The following PKHD1 variants were observed in gnomAD, a reference collection of about 807,000 sequenced individuals.
PKHD1 encodes the protein PKHD1 ciliary IPT domain containing fibrocystin/polyductin.
A neutral mutation model predicts 412.0 loss-of-function variants in PKHD1; 291 were observed. That is an observed-to-expected ratio of 0.71 (90% CI 0.64 to 0.78). The LOEUF (loss-of-function observed/expected upper bound fraction) is 0.78, where lower values mean the gene tolerates loss of function less well. Ranked by LOEUF, PKHD1 falls within the 30% of genes least tolerant of loss-of-function variation. The pLI, the probability that PKHD1 is intolerant of heterozygous loss-of-function variation, is 0.00. For synonymous variants in PKHD1, 1,777 were observed against 1,821.5 expected (o/e 0.98, Z 0.62); for missense variants, 4,825 against 4,950.7 (o/e 0.97, Z 0.76).
At chr6:51,624,363 A>C (rs574871991) in intron 66 of PKHD1, among the ~76,000 whole-genome samples, 1 of 152,336 alleles carries the variant, frequency 6.6e-6, no homozygotes, top group East Asian at 1.9e-4. Context: ...ATTTATCAAT[A>C]ATTTCCAAAC....
intron 35 of PKHD1, among the ~76,000 whole-genome samples, chr6:52,007,010 A>G (rs1799167002): frequency 1.3e-5 from 2 of 152,180 alleles, no homozygotes; most frequent in South Asian, 4.1e-4. Flanking sequence ...GTTGCTACAA[A>G]TGCCATTAAT....
chr6:52,060,030 A>G lies in PKHD1; in HGVS notation c.1131T>C (p.Ser377=), dbSNP rs754777157. 1.6e-5 allele frequency: 26 copies of G among 1,599,666 alleles called. No homozygotes were observed. Among genetic ancestry groups the G allele is most frequent in the Non-Finnish European group, 2.2e-5 (26 of 1,166,800 alleles). The part of the protein sequence containing the change: ...QEGQPFRARL[S]GFFVAPETNN... ...TTGTCTCTGGAGCCACAAAGAACCC[A>G]CTGAGCCGTGCTCTGTAAAGTAGAA... The change falls in exon 15 of 67, where the codon AGT becomes AGC. Residue 377 remains serine, a synonymous_variant. Transcript: ENST00000371117.
intron 63 of PKHD1, among the ~76,000 whole-genome samples, chr6:51,644,802 C>T (rs1381456061): frequency 6.6e-6 from 1 of 152,168 alleles, no homozygotes; most frequent in Non-Finnish European, 1.5e-5. Context: ...GCCTCAGCCT[C>T]CTGAGTAGCT....
intron 60 of PKHD1, among the ~76,000 whole-genome samples, chr6:51,727,793 C>T (rs1423278894): frequency 6.6e-6 from 1 of 152,184 alleles, no homozygotes; most frequent in African/African-American, 2.4e-5. Flanking sequence ...CACTTCAGTG[C>T]AACAGGTGTG....
rs998196660 is a variant in PKHD1, at chr6:51,768,105, T to C, written c.8642+4597A>G. On this transcript the variant is annotated intron_variant, in intron 55 of 66. Coordinates refer to ENST00000371117, the MANE Select transcript of PKHD1 (RefSeq NM_138694.4). ...TTTTTTCATGTGTTTTTTGGCTGCA[T>C]AAATGTCTTCTTTTGAGAAGTGTCA... Among the ~76,000 whole-genome samples, 18 of 152,288 alleles carry C rather than the reference T, an allele frequency of 1.2e-4. 1 individual carries two copies. Among genetic ancestry groups the C allele is most frequent in the African/African-American group, 3.8e-4 (16 of 41,580 alleles).
At position 51,753,334 on chromosome 6, in the gene PKHD1, C is replaced by G. The variant is rs1432650672; in HGVS notation, c.8817G>C (p.Glu2939Asp). ...CAGCCAAACGAATGTGTCGGCCATC[C>G]TCCGTGACATGTACACTTCCTGGGG... ...HRHIGSVHVT[E>D]DGRHIRLAAE... Residue 2939 changes from glutamate to aspartate, a missense_variant, in exon 57 of 67, where the codon GAG becomes GAC. Coordinates refer to ENST00000371117, the MANE Select transcript of PKHD1 (RefSeq NM_138694.4). 1 of 1,613,808 alleles carries G rather than the reference C, an allele frequency of 6.2e-7. No individual in the cohort carries two copies. Among genetic ancestry groups the G allele is most frequent in the South Asian group, 1.1e-5 (1 of 91,084 alleles).
At chr6:51,668,593 G>A (rs1774287964) in intron 60 of PKHD1, among the ~76,000 whole-genome samples, 1 of 152,156 alleles carries the variant, frequency 6.6e-6, no homozygotes, top group Admixed American at 6.5e-5. Context: ...TTGAATAGGA[G>A]TGGTGAGAGA....
intron 25 of PKHD1, 94 bp downstream of exon 25, chr6:52,044,872 A>C: frequency 4.9e-6 from 7 of 1,420,950 alleles, no homozygotes; most frequent in South Asian, 1.2e-5. Context: ...ATGACCCTTA[A>C]GAGCTAAATC....
chr6:52,044,816 T>C (rs1024812984), intron 25 of PKHD1, 150 bp downstream of exon 25: 13 of 797,810 alleles, frequency 1.6e-5, no homozygotes, highest in Non-Finnish European at 2.6e-5. Context: ...CCTGTGGAGG[T>C]AGAAAAAGGA....
chr6:51,751,729 C>T (rs1786145885), intron 57 of PKHD1, among the ~76,000 whole-genome samples: 1 of 152,080 alleles, frequency 6.6e-6, no homozygotes, highest in African/African-American at 2.4e-5. Context: ...GATGAAAGAC[C>T]TATTTTTCAC....
At chr6:51,734,249 T>G (rs572500739) in intron 60 of PKHD1, among the ~76,000 whole-genome samples, 5 of 152,212 alleles carry the variant, frequency 3.3e-5, no homozygotes, top group African/African-American at 9.6e-5. Context: ...AAAATAGGAA[T>G]AGTCAGAGTT....
At chr6:51,667,751 G>T (rs1268504689) in intron 60 of PKHD1, among the ~76,000 whole-genome samples, 3 of 149,128 alleles carry the variant, frequency 2.0e-5, no homozygotes, top group Non-Finnish European at 4.5e-5. Context: ...TCCAGTTTCA[G>T]CTTTCTACAT....
At chr6:51,809,525 T>C (rs1764357425) in intron 52 of PKHD1, among the ~76,000 whole-genome samples, 3 of 152,078 alleles carry the variant, frequency 2.0e-5, no homozygotes, top group Admixed American at 1.3e-4. Flanking sequence ...CCTAAAAATA[T>C]TAGAATCAGC....
intron 57 of PKHD1, 115 bp downstream of exon 57, chr6:51,753,086 T>C (rs1350025162): frequency 2.2e-6 from 2 of 894,256 alleles, no homozygotes; most frequent in South Asian, 1.6e-5. Flanking sequence ...ACAAAGGAAC[T>C]ATCTCATTTG....
chr6:51,711,780 G>A (rs1036223814), intron 60 of PKHD1, among the ~76,000 whole-genome samples: 2 of 152,160 alleles, frequency 1.3e-5, no homozygotes, highest in African/African-American at 4.8e-5. Flanking sequence ...ATAAATGAAA[G>A]AAATGTGTAT....
intron 25 of PKHD1, 91 bp from the exon 26 acceptor site, chr6:52,043,821 A>G (rs1805327235): frequency 1.2e-6 from 1 of 844,624 alleles, no homozygotes; most frequent in Admixed American, 1.8e-5. Flanking sequence ...CCAAGCTGAC[A>G]CGTGTTCATG....
chr6:51,916,208 C>T (rs905542546), intron 37 of PKHD1, among the ~76,000 whole-genome samples: 1 of 152,082 alleles, frequency 6.6e-6, no homozygotes, highest in Non-Finnish European at 1.5e-5. Flanking sequence ...GTTTAAATGA[C>T]CTATTTTAAG....
intron 35 of PKHD1, among the ~76,000 whole-genome samples, chr6:51,967,686 C>G (rs998949613): frequency 1.3e-5 from 2 of 151,900 alleles, no homozygotes; most frequent in Non-Finnish European, 2.9e-5. Flanking sequence ...GTATGCCACT[C>G]ACGCACTCAC....
rs1775347912 is a variant in PKHD1 at position 51,867,940 on chromosome 6, G to A, written c.7656C>T (p.Val2552=). Residue 2552 remains valine, a synonymous_variant, in exon 48 of 67, where the codon GTC becomes GTT. Coordinates refer to ENST00000371117, the MANE Select transcript of PKHD1 (RefSeq NM_138694.4). ...SMETLSASCL[V]NSSFGRVVHG... ...GGACAACCCGACCAAAGCTTGAATT[G>A]ACCAAACAAGAAGCTGAAAGGGTTT... The A allele has an allele frequency of 6.2e-7, 1 of 1,613,048 alleles. No individual in the cohort carries two copies. Among genetic ancestry groups the A allele is most frequent in the African/African-American group, 1.3e-5 (1 of 75,008 alleles).
Sources: gnomAD v4.1 joint callset for allele counts (sites outside exome capture counted in the v4.1 genomes callset) on GRCh38, gnomAD v4.1.1 for gene constraint, MANE v1.5 for transcripts, NCBI Gene and HGNC (gene_info 2026-07-23, HGNC 2026-07-21) for gene names.